Variants in ZBTB49 observed in about 807,000 individuals in gnomAD.
The protein encoded by ZBTB49 is zinc finger and BTB domain-containing protein 49.
A neutral mutation model predicts 57.5 loss-of-function variants in ZBTB49; 43 were observed. The ratio of observed to expected loss-of-function variants is 0.75; its 90% CI spans 0.59 to 0.97. ZBTB49 has a LOEUF of 0.97. Among genes scored for constraint, ZBTB49 ranks in the 50% least tolerant of loss-of-function variants. The probability of loss-of-function intolerance (pLI) is 0.00; values close to 1 mark genes in which losing one functional copy is unlikely to be tolerated. For synonymous variants in ZBTB49, 369 were observed against 362.1 expected (o/e 1.02, Z -0.22); for missense variants, 938 against 947.7 (o/e 0.99, Z 0.13).
In ZBTB49 at chr4:4,320,684, A is replaced by G. The variant is rs146575965; in HGVS notation, c.1666A>G (p.Thr556Ala). 1.6e-3 allele frequency: 2,626 copies of G among 1,614,152 alleles called. 8 individuals are homozygous for G. The highest frequency in any genetic ancestry group is 2.0e-3 in the Non-Finnish European group (2,394 of 1,180,022). ...GSGDLRRHVR[T>A]HTGEKPYTCE... ...AGGTGACCTCCGCAGGCATGTCCGC[A>G]CTCACACTGGGGAGAAGCCGTACAC... The change falls in exon 8 of 8, where the codon ACT becomes GCT. Residue 556 changes from threonine to alanine, a missense_variant. Physicochemically the swap from Thr to Ala is moderately conservative, Grantham distance 58. Coordinates refer to ENST00000337872, the MANE Select transcript of ZBTB49 (RefSeq NM_145291.4).
chr4:4,291,285 G>C (rs1560101927), intron 1 of ZBTB49, among the ~76,000 whole-genome samples: 1 of 152,166 alleles, frequency 6.6e-6, no homozygotes. Context: ...TTTCTCCTTG[G>C]CTTGCACGTG....
chr4:4,304,085 T>G (rs530649235), intron 3 of ZBTB49, among the ~76,000 whole-genome samples: 1 of 152,276 alleles, frequency 6.6e-6, no homozygotes, highest in Non-Finnish European at 1.5e-5. Flanking sequence ...TTTAGTGCAT[T>G]TGAATATAAA....
chr4:4,295,434 CAT>C (rs1191516694), intron 1 of ZBTB49, among the ~76,000 whole-genome samples: 4 of 152,098 alleles, frequency 2.6e-5, no homozygotes, highest in African/African-American at 4.8e-5. Flanking sequence ...CCTCCCCTGA[CAT>C]GTGGGGATTA....
intron 2 of ZBTB49, 104 bp downstream of exon 2, chr4:4,300,201 C>T (rs1720415348): frequency 7.9e-7 from 1 of 1,264,336 alleles, no homozygotes; most frequent in East Asian, 2.4e-5. Context: ...CTATCTTTAT[C>T]TTTTATAGCA....
chr4:4,312,986 TTAAAAAAC>T, intron 4 of ZBTB49, 47 bp from the exon 5 acceptor site: 1 of 1,588,284 alleles, frequency 6.3e-7, no homozygotes, highest in Non-Finnish European at 8.6e-7. Flanking sequence ...TTTATATAAT[TTAAAAAAC>T]CAAAAACTTT....
chr4:4,296,331 C>T (rs1303081350), intron 1 of ZBTB49, among the ~76,000 whole-genome samples: 2 of 152,216 alleles, frequency 1.3e-5, no homozygotes, highest in African/African-American at 4.8e-5. Context: ...ACCCAAATCT[C>T]ATTTTGAATT....
chr4:4,302,639 C>T lies in ZBTB49; in HGVS notation c.803C>T (p.Ser268Phe), dbSNP rs1034761837. 2 of 1,611,110 alleles carry T rather than the reference C, an allele frequency of 1.2e-6. No individual in the cohort carries two copies. Among genetic ancestry groups the T allele is most frequent in the African/African-American group, 1.3e-5 (1 of 74,864 alleles). ...AGTCATTCTGAATGCATCCTGGAGT[C>T]TCCCGAGCACTTACCTTCCAACTTC... The part of the protein sequence containing the change: ...AVSHSECILE[S>F]PEHLPSNFLA... Residue 268 changes from serine (S) to phenylalanine (F), a missense_variant, in exon 3 of 8, where the codon TCT becomes TTT. By Grantham distance (155) the Ser-to-Phe change is radical. Coordinates refer to ENST00000337872, the MANE Select transcript of ZBTB49 (RefSeq NM_145291.4).
chr4:4,300,411 C>G (rs1203445985), intron 2 of ZBTB49, among the ~76,000 whole-genome samples: 1 of 152,064 alleles, frequency 6.6e-6, no homozygotes, highest in African/African-American at 2.4e-5. Flanking sequence ...ATTTCTTATC[C>G]TTTCAAGATA....
chr4:4,296,174 G>A (rs1720191011), intron 1 of ZBTB49, among the ~76,000 whole-genome samples: 1 of 152,158 alleles, frequency 6.6e-6, no homozygotes, highest in Admixed American at 6.6e-5. Context: ...TTTCAGGATG[G>A]GAGTTGGCAG....
At position 4,302,993 on chromosome 4, in the gene ZBTB49, C is replaced by T. The variant is rs183812175; in HGVS notation, c.1157C>T (p.Ser386Phe). The change falls in exon 3 of 8, where the codon TCC (serine) becomes TTC (phenylalanine). Residue 386 changes from serine (S) to phenylalanine (F), a missense_variant. Coordinates refer to ENST00000337872, the MANE Select transcript of ZBTB49 (RefSeq NM_145291.4). ...PEDPAALEDQ[S>F]QTLQSQRQYA... ...GACCCGGCTGCCCTGGAAGACCAGT[C>T]CCAGACACTTCAGTCCCAGAGACAA... 1.1e-5 allele frequency: 18 copies of T among 1,614,166 alleles called. No individual in the cohort carries two copies. In the Admixed American group the frequency reaches 3.0e-4, roughly 27 times the overall value.
chr4:4,290,845 G>A (rs539761562), intron 1 of ZBTB49, among the ~76,000 whole-genome samples: 2 of 152,362 alleles, frequency 1.3e-5, no homozygotes, highest in South Asian at 2.1e-4. Flanking sequence ...TAAAGCGAAT[G>A]TCATAGCGGC....
At chr4:4,294,505 C>T (rs369116069) in intron 1 of ZBTB49, among the ~76,000 whole-genome samples, 3 of 152,114 alleles carry the variant, frequency 2.0e-5, no homozygotes, top group Admixed American at 6.5e-5. Context: ...TATAGGCATG[C>T]GTCACCACGC....
rs750388007 is a variant in ZBTB49 at position 4,321,291 on chromosome 4, A to G, written c.2273A>G (p.Gln758Arg). The change falls in exon 8 of 8, where the codon CAG (glutamine) becomes CGG (arginine). Residue 758 changes from glutamine to arginine, a missense_variant. This residue lies in a region of ZBTB49 where 835 missense variants were observed against 819.1 expected (regional missense o/e 1.02). Coordinates refer to ENST00000337872, the MANE Select transcript of ZBTB49 (RefSeq NM_145291.4). The part of the protein sequence containing the change: ...TLWGLAMKTL[Q>R]NENELDQ The stretch of plus-strand genomic sequence containing the variant: ...TGGGGGCTAGCGATGAAGACGCTGC[A>G]GAATGAAAACGAGTTAGACCAGTGA... 1 of 1,612,732 alleles carries G rather than the reference A, an allele frequency of 6.2e-7. No individual in the cohort carries two copies. The highest frequency in any genetic ancestry group is 8.5e-7 in the Non-Finnish European group (1 of 1,180,022).
intron 5 of ZBTB49, among the ~76,000 whole-genome samples, chr4:4,315,144 G>A (rs943567449): frequency 2.6e-5 from 4 of 152,168 alleles, no homozygotes; most frequent in East Asian, 1.9e-4. Context: ...TGAAAAGAGC[G>A]AGAGTCGCAC....
At chr4:4,316,261 A>G (rs1312343625) in intron 7 of ZBTB49, among the ~76,000 whole-genome samples, 1 of 152,202 alleles carries the variant, frequency 6.6e-6, no homozygotes, top group African/African-American at 2.4e-5. Context: ...TGGCTGGGAA[A>G]GTAGGGGACA....
At chr4:4,294,974 T>TG (rs538106440) in intron 1 of ZBTB49, among the ~76,000 whole-genome samples, 1 of 151,722 alleles carries the variant, frequency 6.6e-6, no homozygotes, top group Non-Finnish European at 1.5e-5. Flanking sequence ...CTCCAGTGTT[T>TG]GGGGGCCAGG....
intron 4 of ZBTB49, 96 bp downstream of exon 4, chr4:4,306,280 C>G (rs767886348): frequency 2.0e-6 from 2 of 1,023,886 alleles, no homozygotes; most frequent in South Asian, 2.8e-5. Flanking sequence ...GTGAGAGAAG[C>G]CTCTAATGAT....
chr4:4,291,043 A>T (rs1190360326), intron 1 of ZBTB49, among the ~76,000 whole-genome samples: 1 of 152,208 alleles, frequency 6.6e-6, no homozygotes, highest in Non-Finnish European at 1.5e-5. Flanking sequence ...TGAGTGGAGG[A>T]TGCACAGAGT....
rs112110090 is a variant in ZBTB49 at position 4,303,354 on chromosome 4, G to T, written c.1255+263G>T. Among the ~76,000 whole-genome samples the T allele has an allele frequency of 1.2e-3, 182 of 152,232 alleles. 1 individual carries two copies. The highest frequency in any genetic ancestry group is 4.1e-3 in the African/African-American group (170 of 41,556). On this transcript the variant is annotated intron_variant, in intron 3 of 7. Transcript: ENST00000337872. ...TTTCAACTACATTTTTATATGACAAGCCATCTGTCTCTAAAGAAAGTATAG... is the reference window on the plus strand; with the variant it reads ...TTTCAACTACATTTTTATATGACAATCCATCTGTCTCTAAAGAAAGTATAG...
Sources: allele counts gnomAD v4.1 joint callset (sites outside exome capture counted in the v4.1 genomes callset), GRCh38; gene constraint gnomAD v4.1.1; regional missense constraint gnomAD v4.1.1; transcripts MANE v1.5; gene names NCBI Gene and HGNC (gene_info 2026-07-23, HGNC 2026-07-21).